The following GRID2 variants were observed in gnomAD, a reference collection of about 807,000 sequenced individuals.
GRID2 encodes glutamate receptor ionotropic, delta-2.
In GRID2, 33 loss-of-function variants were observed where a neutral mutation model predicts 114.8. The observed-to-expected ratio is 0.29, with a 90% CI of 0.22 to 0.38. The LOEUF is 0.38. Ranked by LOEUF, GRID2 falls within the 10% of genes least tolerant of loss-of-function variation. The pLI is 1.00. For synonymous variants in GRID2, 505 were observed against 449.9 expected (o/e 1.12, Z -1.55); for missense variants, 1,184 against 1,257.7 (o/e 0.94, Z 0.89).
chr4:92,897,283 C>T (rs1747241296), intron 2 of GRID2, among the ~76,000 whole-genome samples: 1 of 152,126 alleles, frequency 6.6e-6, no homozygotes, highest in South Asian at 2.1e-4. Context: ...AAGTTCTCTG[C>T]ACTAATTTCA....
chr4:93,093,064 C>G (rs73837391), intron 3 of GRID2, among the ~76,000 whole-genome samples: 239 of 152,166 alleles, frequency 1.6e-3, no homozygotes, highest in African/African-American at 5.5e-3. Flanking sequence ...TATGGAACTT[C>G]TGCATCTCAC....
chr4:92,846,294 G>A (rs1743319089), intron 2 of GRID2, among the ~76,000 whole-genome samples: 1 of 151,970 alleles, frequency 6.6e-6, no homozygotes. Context: ...TACCTAATAG[G>A]TATTTTTTGA....
At chr4:93,309,559 T>TA (rs1484335747) in intron 8 of GRID2, among the ~76,000 whole-genome samples, 1 of 150,450 alleles carries the variant, frequency 6.6e-6, no homozygotes, top group East Asian at 1.9e-4. Flanking sequence ...ATAATAATAA[T>TA]AATAAATAAA....
chr4:93,130,376 GGCTGCAGTGA>G (rs1389832905), intron 4 of GRID2, among the ~76,000 whole-genome samples: 1 of 152,140 alleles, frequency 6.6e-6, no homozygotes, highest in Non-Finnish European at 1.5e-5. Context: ...AGGATGTCAA[GGCTGCAGTGA>G]GCCATGTTCG....
At chr4:92,974,633 A>G (rs547602745) in intron 2 of GRID2, among the ~76,000 whole-genome samples, 5 of 152,060 alleles carry the variant, frequency 3.3e-5, no homozygotes, top group African/African-American at 9.6e-5. Flanking sequence ...GAGGTGAACA[A>G]TGAGAACACA....
At chr4:93,269,957 C>T (rs576131130) in intron 8 of GRID2, among the ~76,000 whole-genome samples, 22 of 152,226 alleles carry the variant, frequency 1.4e-4, no homozygotes, top group Admixed American at 9.2e-4. Flanking sequence ...TTGCCATAAT[C>T]ATCTCCTGTT....
chr4:93,300,625 T>C (rs1162223235), intron 8 of GRID2, among the ~76,000 whole-genome samples: 1 of 152,116 alleles, frequency 6.6e-6, no homozygotes, highest in African/African-American at 2.4e-5. Flanking sequence ...CCAAAAAGTC[T>C]TGGGGTGACA....
chr4:92,769,756 A>T (rs554607315), intron 2 of GRID2, among the ~76,000 whole-genome samples: 1 of 152,122 alleles, frequency 6.6e-6, no homozygotes, highest in Admixed American at 6.5e-5. Flanking sequence ...TCACAGCTGG[A>T]GTGACTGGGA....
intron 2 of GRID2, among the ~76,000 whole-genome samples, chr4:92,625,759 G>A (rs1730492832): frequency 6.6e-6 from 1 of 151,974 alleles, no homozygotes; most frequent in Non-Finnish European, 1.5e-5. Context: ...TCTTATGCTA[G>A]CCTATATTAT....
chr4:93,580,972 TTCTGGGA>T (rs1244982046), intron 13 of GRID2, among the ~76,000 whole-genome samples: 1 of 151,990 alleles, frequency 6.6e-6, no homozygotes, highest in East Asian at 1.9e-4. Context: ...TTAATGTAAG[TTCTGGGA>T]TACATGTGCA....
intron 14 of GRID2, among the ~76,000 whole-genome samples, chr4:93,740,818 G>C (rs764854574): frequency 3.4e-4 from 51 of 151,226 alleles, no homozygotes; most frequent in Non-Finnish European, 6.3e-4. Context: ...ACTTGGGGGG[G>C]CAAGGATATT....
intron 2 of GRID2, among the ~76,000 whole-genome samples, chr4:92,908,048 T>C (rs1412576397): frequency 6.6e-6 from 1 of 151,934 alleles, no homozygotes; most frequent in African/African-American, 2.4e-5. Flanking sequence ...AAAAACTTGA[T>C]TTTCCTTATT....
chr4:93,458,777 C>T (rs1347215914), intron 11 of GRID2, among the ~76,000 whole-genome samples: 1 of 152,032 alleles, frequency 6.6e-6, no homozygotes, highest in Admixed American at 6.6e-5. Context: ...GATAACAAGA[C>T]AAATGATTGT....
intron 2 of GRID2, among the ~76,000 whole-genome samples, chr4:92,603,945 C>T (rs995548885): frequency 2.6e-4 from 39 of 151,964 alleles, no homozygotes; most frequent in African/African-American, 9.2e-4. Flanking sequence ...AAAAGCTCAA[C>T]ATCACCGATC....
intron 2 of GRID2, among the ~76,000 whole-genome samples, chr4:92,863,841 C>T (rs142317050): frequency 2.0e-5 from 3 of 151,928 alleles, no homozygotes; most frequent in African/African-American, 4.8e-5. Flanking sequence ...ATCGCACTCT[C>T]GATGTTATTT....
intron 2 of GRID2, among the ~76,000 whole-genome samples, chr4:92,843,610 T>C (rs1387092150): frequency 6.6e-6 from 1 of 152,180 alleles, no homozygotes; most frequent in Non-Finnish European, 1.5e-5. Context: ...TTTACCCTTA[T>C]ACAAATCTAT....
intron 1 of GRID2, among the ~76,000 whole-genome samples, chr4:92,541,906 A>C (rs1001322811): frequency 6.6e-6 from 1 of 152,104 alleles, no homozygotes; most frequent in African/African-American, 2.4e-5. Flanking sequence ...ACATAGAAAA[A>C]AGAAGAGGAA....
intron 14 of GRID2, among the ~76,000 whole-genome samples, chr4:93,629,662 T>G (rs1242162030): frequency 6.6e-6 from 1 of 152,198 alleles, no homozygotes; most frequent in Non-Finnish European, 1.5e-5. Context: ...TTATTTTCAC[T>G]GAAAATATAG....
intron 1 of GRID2, among the ~76,000 whole-genome samples, chr4:92,455,788 G>C (rs970722716): frequency 1.3e-5 from 2 of 152,146 alleles, no homozygotes; most frequent in African/African-American, 4.8e-5. Flanking sequence ...TGCTTGTGGA[G>C]GGGCAGTGCC....
Sources: allele counts gnomAD v4.1 joint callset (sites outside exome capture counted in the v4.1 genomes callset), GRCh38; gene constraint gnomAD v4.1.1; transcripts MANE v1.5; gene names NCBI Gene and HGNC (gene_info 2026-07-23, HGNC 2026-07-21).